GREB1L: variants seen among roughly 807,000 people sequenced by gnomAD.
GREB1L encodes GREB1 like retinoic acid receptor coactivator.
GREB1L carries 17 observed loss-of-function variants against 200.8 expected under a neutral mutation model. The ratio of observed to expected loss-of-function variants is 0.08; its 90% confidence interval spans 0.06 to 0.13. The LOEUF is 0.13. Ranked by LOEUF, GREB1L falls within the 10% of genes least tolerant of loss-of-function variation. The pLI is 1.00. For missense variants in GREB1L, 1,657 were observed against 2,367.7 expected (o/e 0.70, Z 6.23); for synonymous variants, 789 against 893.0 (o/e 0.88, Z 2.08).
chr18:21,248,656 A>G (rs146678541), intron 1 of GREB1L, among the ~76,000 whole-genome samples: 38 of 152,350 alleles, frequency 2.5e-4, no homozygotes, highest in Non-Finnish European at 3.8e-4. Context: ...AATGATTACA[A>G]CTTTTCTGGG....
chr18:21,374,700 C>T (rs1224782292), intron 2 of GREB1L, among the ~76,000 whole-genome samples: 1 of 151,900 alleles, frequency 6.6e-6, no homozygotes, highest in Non-Finnish European at 1.5e-5. Flanking sequence ...TCTTGTTCTT[C>T]CTTGTCATTT....
intron 2 of GREB1L, among the ~76,000 whole-genome samples, chr18:21,378,239 A>G (rs2040157030): frequency 6.6e-6 from 1 of 152,320 alleles, no homozygotes; most frequent in East Asian, 1.9e-4. Context: ...TATGACATTT[A>G]GAATATATTA....
chr18:21,267,374 G>T (rs1421197194), intron 1 of GREB1L, among the ~76,000 whole-genome samples: 1 of 151,864 alleles, frequency 6.6e-6, no homozygotes, highest in Non-Finnish European at 1.5e-5. Flanking sequence ...TAGACACTGG[G>T]TTTCACCATA....
intron 9 of GREB1L, among the ~76,000 whole-genome samples, chr18:21,440,681 G>A (rs1262710408): frequency 6.6e-6 from 1 of 152,190 alleles, no homozygotes; most frequent in Non-Finnish European, 1.5e-5. Flanking sequence ...TTTGCTAGTA[G>A]TGGTGTTAGA....
At chr18:21,498,065 A>T (rs1325836609) in intron 21 of GREB1L, among the ~76,000 whole-genome samples, 1 of 151,204 alleles carries the variant, frequency 6.6e-6, no homozygotes, top group Non-Finnish European at 1.5e-5. Context: ...CAGGTGATCC[A>T]CCCGCCTCAG....
chr18:21,498,977 G>A (rs2036664785), intron 21 of GREB1L, among the ~76,000 whole-genome samples: 1 of 152,290 alleles, frequency 6.6e-6, no homozygotes, highest in East Asian at 1.9e-4. Flanking sequence ...AAGAGTGGCT[G>A]GTCTGTTAGG....
chr18:21,474,524 A>G (rs2035609971), intron 16 of GREB1L, among the ~76,000 whole-genome samples: 1 of 152,008 alleles, frequency 6.6e-6, no homozygotes. Flanking sequence ...AGGCTCCCAA[A>G]CCTCAGTTGT....
chr18:21,302,317 A>C lies in GREB1L; in HGVS notation c.-120+59924A>C, dbSNP rs536899953. ...GGGGGTTCCACATTCAGAGGATTTT[A>C]ATTATTACTGTCAAAAGACAAAATT... is the stretch of plus-strand genomic sequence containing the variant. On this transcript the variant is annotated intron_variant, in intron 1 of 32. Coordinates refer to ENST00000424526, the MANE Select transcript of GREB1L (RefSeq NM_001142966.3). Among the ~76,000 whole-genome samples the C allele has an allele frequency of 3.3e-5, 5 of 152,304 alleles. No homozygotes were observed. In the South Asian group the frequency reaches 6.2e-4, roughly 19 times the overall value.
chr18:21,448,116 C>T (rs761260278), intron 11 of GREB1L, among the ~76,000 whole-genome samples: 7 of 149,738 alleles, frequency 4.7e-5, no homozygotes, highest in African/African-American at 1.5e-4. Flanking sequence ...GAGCCGAGAT[C>T]GCGCCACTGC....
chr18:21,417,980 C>CAAAAAAAAAAAAAAAAAA (rs370649676), intron 7 of GREB1L, among the ~76,000 whole-genome samples: 1 of 80,266 alleles, frequency 1.2e-5, no homozygotes, highest in Non-Finnish European at 2.6e-5. Flanking sequence ...GACTCCATCT[C>CAAAAAAAAAAAAAAAAAA]AAAAAAAAAA....
rs1197968354 is a variant in GREB1L, at chr18:21,522,844, C to A, written c.*23C>A. On this transcript the variant is annotated 3_prime_UTR_variant, in exon 33 of 33. Transcript: ENST00000424526. ...TGAGCTTTTGAAGAGACCAAAACAG[C>A]AAAAAGATGCCTAGGTGGGATGGGA... 2 of 1,521,248 alleles carry A rather than the reference C, an allele frequency of 1.3e-6. No homozygotes were observed. The highest frequency in any genetic ancestry group is 1.8e-6 in the Non-Finnish European group (2 of 1,132,032). The allele number at this position is 1,521,248 out of a possible 1,614,324, so 94.2% of individuals were successfully genotyped here. A position where few individuals can be genotyped will look rare whatever the true frequency, so the allele number is the denominator to read the frequency against.
chr18:21,309,164 G>T lies in GREB1L; in HGVS notation c.-119-56863G>T, dbSNP rs149907384. Among the ~76,000 whole-genome samples the T allele has an allele frequency of 2.0e-4, 31 of 152,306 alleles. No individual in the cohort carries two copies. The East Asian group carries it at 6.0e-3, about 29-fold the overall frequency. Reference sequence around the variant, plus strand: ...TAGACTGGGACATTGTCTTTAAAAAGTTTCTTCACTATAGGGCAACTCTTA... The same window carrying T: ...TAGACTGGGACATTGTCTTTAAAAATTTTCTTCACTATAGGGCAACTCTTA... On this transcript the variant is annotated intron_variant, in intron 1 of 32. Transcript: ENST00000424526.
intron 1 of GREB1L, among the ~76,000 whole-genome samples, chr18:21,352,526 C>T (rs1039779093): frequency 4.0e-5 from 6 of 149,700 alleles, no homozygotes; most frequent in South Asian, 2.1e-4. Flanking sequence ...CTCCGCTTCC[C>T]GGGTTCAAGC....
intron 7 of GREB1L, among the ~76,000 whole-genome samples, chr18:21,415,269 A>G (rs1247699495): frequency 1.3e-5 from 2 of 152,172 alleles, no homozygotes; most frequent in Admixed American, 1.3e-4. Context: ...TAATCCCAGC[A>G]TTTAGGAGGC....
At chr18:21,287,905 T>C (rs1203707355) in intron 1 of GREB1L, among the ~76,000 whole-genome samples, 4 of 151,478 alleles carry the variant, frequency 2.6e-5, no homozygotes, top group Non-Finnish European at 5.9e-5. Flanking sequence ...AGTGATTCTC[T>C]TGCCTCAACC....
At chr18:21,516,003 T>C (rs972772014) in intron 29 of GREB1L, among the ~76,000 whole-genome samples, 1 of 151,274 alleles carries the variant, frequency 6.6e-6, no homozygotes, top group African/African-American at 2.4e-5. Flanking sequence ...TTCCTGAATG[T>C]TAGACTAAGC....
At chr18:21,257,716 C>G (rs1168857292) in intron 1 of GREB1L, among the ~76,000 whole-genome samples, 4 of 152,176 alleles carry the variant, frequency 2.6e-5, no homozygotes, top group Non-Finnish European at 5.9e-5. Flanking sequence ...TGTGTGTATG[C>G]ACAAAACACA....
At chr18:21,396,678 T>C (rs190444600) in intron 5 of GREB1L, among the ~76,000 whole-genome samples, 26 of 152,348 alleles carry the variant, frequency 1.7e-4, no homozygotes, top group Non-Finnish European at 3.7e-4. Flanking sequence ...TAACTAGGAC[T>C]ATGTATCTTT....
chr18:21,350,475 G>C (rs1174574854), intron 1 of GREB1L, among the ~76,000 whole-genome samples: 1 of 151,952 alleles, frequency 6.6e-6, no homozygotes, highest in East Asian at 1.9e-4. Flanking sequence ...CTGACCTCAG[G>C]TGATCCACCC....
Sources: allele counts gnomAD v4.1 joint callset (sites outside exome capture counted in the v4.1 genomes callset), GRCh38; gene constraint gnomAD v4.1.1; transcripts MANE v1.5; gene names NCBI Gene and HGNC (gene_info 2026-07-23, HGNC 2026-07-21).